The following ANO5 variants were observed in gnomAD, a reference collection of about 807,000 sequenced individuals.
The protein encoded by ANO5 is anoctamin-5.
Under a neutral mutation model 121.0 loss-of-function variants are expected in ANO5, and 109 were observed. That is an observed-to-expected ratio of 0.90 (90% CI 0.77 to 1.06). The LOEUF is 1.06. Among genes scored for constraint, ANO5 ranks in the 50% least tolerant of loss-of-function variants. The pLI is 0.00. For missense variants in ANO5, 1,064 were observed against 1,078.5 expected (o/e 0.99, Z 0.19); for synonymous variants, 406 against 359.9 (o/e 1.13, Z -1.45).
intron 2 of ANO5, among the ~76,000 whole-genome samples, chr11:22,209,440 T>C (rs1027480843): frequency 5.3e-5 from 8 of 152,022 alleles, no homozygotes; most frequent in African/African-American, 1.9e-4. Flanking sequence ...GTAATCAGTT[T>C]TACATATGTA....
intron 5 of ANO5, among the ~76,000 whole-genome samples, chr11:22,222,035 CAAACCTCTTT>C (rs923362842): frequency 6.6e-6 from 1 of 151,932 alleles, no homozygotes; most frequent in African/African-American, 2.4e-5. Context: ...ACATTCCCTT[CAAACCTCTTT>C]GAGGTTTTTT....
chr11:22,224,682 A>G (rs1056529029), intron 5 of ANO5, among the ~76,000 whole-genome samples: 37 of 152,226 alleles, frequency 2.4e-4, no homozygotes, highest in African/African-American at 7.9e-4. Flanking sequence ...TTCTTGTGTA[A>G]GACCAGGCAA....
In ANO5 at chr11:22,227,516, G is replaced by C; in HGVS notation, c.578G>C (p.Arg193Thr). The change falls in exon 7 of 22, where the codon AGA (arginine) becomes ACA (threonine). Residue 193 changes from arginine to threonine, a missense_variant. Transcript: ENST00000324559. ...GAATATTTTACTGCACAATTCAGCA[G>C]ACATCGGCAGGAGCTCTTCCTCATC... The part of the protein sequence containing the change: ...HPEYFTAQFS[R>T]HRQELFLIED... 6.2e-7 allele frequency: 1 copy of C among 1,613,580 alleles called. No homozygotes were observed. The highest frequency in any genetic ancestry group is 2.2e-5 in the East Asian group (1 of 44,840).
At position 22,270,381 on chromosome 11, in the gene ANO5, G is replaced by A; in HGVS notation, c.1968G>A (p.Glu656=). Residue 656 remains glutamate (E), a synonymous_variant, in exon 18 of 22, where the codon GAG becomes GAA. Transcript: ENST00000324559. ...CTGAGAAGCTGTATAGTCGATGGGA[G>A]CAGGATCATGACCTTGAAAGTTTTG... ...TNSEKLYSRW[E]QDHDLESFGP... 6.2e-7 allele frequency: 1 copy of A among 1,614,170 alleles called. No individual in the cohort carries two copies. The highest frequency in any genetic ancestry group is 1.7e-5 in the Admixed American group (1 of 60,026).
At chr11:22,274,137 T>G (rs1281103642) in intron 19 of ANO5, among the ~76,000 whole-genome samples, 6 of 151,172 alleles carry the variant, frequency 4.0e-5, no homozygotes. Flanking sequence ...ATATTCTGCT[T>G]CTTCATTCCT....
intron 5 of ANO5, among the ~76,000 whole-genome samples, chr11:22,225,557 G>A (rs1273433307): frequency 6.6e-6 from 1 of 152,100 alleles, no homozygotes; most frequent in Non-Finnish European, 1.5e-5. Context: ...GCTAAGTGAA[G>A]CCATTTTGTC....
intron 21 of ANO5, among the ~76,000 whole-genome samples, chr11:22,276,744 A>G (rs1854867407): frequency 6.6e-6 from 1 of 150,758 alleles, no homozygotes; most frequent in Non-Finnish European, 1.5e-5. Flanking sequence ...GCCTGCAAGA[A>G]AAGGTAAACA....
chr11:22,250,281 G>C lies in ANO5; in HGVS notation c.923G>C (p.Gly308Ala). 1.9e-6 allele frequency: 3 copies of C among 1,609,368 alleles called. No individual in the cohort carries two copies. The highest frequency in any genetic ancestry group is 2.6e-6 in the Non-Finnish European group (3 of 1,176,446). The change falls in exon 10 of 22, where the codon GGA becomes GCA. Residue 308 changes from glycine (G) to alanine (A), a missense_variant. Gly to Ala is a moderately conservative substitution (Grantham distance 60). Coordinates refer to ENST00000324559, the MANE Select transcript of ANO5 (RefSeq NM_213599.3). The stretch of plus-strand genomic sequence containing the variant: ...ATTGGTATCTATTTTGTCTTTCTTG[G>C]ATTTTACACAGAAATGCTATTCTTT... ...EKIGIYFVFL[G>A]FYTEMLFFAA...
chr11:22,215,930 C>T (rs961127832), intron 3 of ANO5, among the ~76,000 whole-genome samples: 4 of 151,726 alleles, frequency 2.6e-5, no homozygotes, highest in East Asian at 1.9e-4. Context: ...TGCTTTTGCT[C>T]GTCACAATGT....
Position 22,257,745 on chromosome 11 carries a change from G to A in ANO5, c.1398G>A (p.Val466=). The part of the protein sequence containing the change: ...IPWYFLSGAT[V]TLWMSLVVTS... ...GGTACTTTCTTTCAGGAGCCACAGT[G>A]ACATTATGGGTGAGCATTTCTTTAA... is the stretch of plus-strand genomic sequence containing the variant. Residue 466 remains valine (V), a synonymous_variant, in exon 14 of 22, where the codon GTG becomes GTA. Transcript: ENST00000324559. 1 of 1,610,346 alleles carries A rather than the reference G, an allele frequency of 6.2e-7. No homozygotes were observed. The highest frequency in any genetic ancestry group is 1.1e-5 in the South Asian group (1 of 90,976).
chr11:22,237,084 A>G (rs1170905557), intron 8 of ANO5, among the ~76,000 whole-genome samples: 1 of 152,146 alleles, frequency 6.6e-6, no homozygotes, highest in African/African-American at 2.4e-5. Flanking sequence ...CTGGGGCTGA[A>G]TGTGTACATA....
At chr11:22,198,981 C>T (rs1190636985) in intron 1 of ANO5, among the ~76,000 whole-genome samples, 1 of 152,100 alleles carries the variant, frequency 6.6e-6, no homozygotes, top group Non-Finnish European at 1.5e-5. Context: ...GATAATACTG[C>T]ATGATGTTTA....
chr11:22,225,867 C>A (rs1852809417), intron 5 of ANO5, 117 bp from the exon 6 acceptor site: 3 of 738,572 alleles, frequency 4.1e-6, no homozygotes, highest in East Asian at 5.4e-5. Context: ...TTATATACAA[C>A]CATGGGAGGG....
At chr11:22,270,932 G>T (rs1854588617) in intron 18 of ANO5, among the ~76,000 whole-genome samples, 1 of 152,154 alleles carries the variant, frequency 6.6e-6, no homozygotes, top group South Asian at 2.1e-4. Flanking sequence ...CCAAAACATT[G>T]CAAGGTTTGA....
rs775242183 is a variant in ANO5 at position 22,263,058 on chromosome 11, C to A, written c.1898+15C>A. 2 of 1,581,052 alleles carry A rather than the reference C, an allele frequency of 1.3e-6. No homozygotes were observed. Among genetic ancestry groups the A allele is most frequent in the South Asian group, 1.1e-5 (1 of 90,412 alleles). ...GCCATTTATCCGTATGTATGACTTA[C>A]AAGCTTTTTATTTGATTTAAGTAAC... On this transcript the variant is annotated intron_variant, in intron 17 of 21. Coordinates refer to ENST00000324559, the MANE Select transcript of ANO5 (RefSeq NM_213599.3).
chr11:22,274,914 G>T (rs1482535227), intron 20 of ANO5, among the ~76,000 whole-genome samples, 167 bp downstream of exon 20: 1 of 151,972 alleles, frequency 6.6e-6, no homozygotes, highest in African/African-American at 2.4e-5. Flanking sequence ...GCATGATTCA[G>T]ATTTGAAAAG....
At chr11:22,263,743 T>C (rs1202810881) in intron 17 of ANO5, among the ~76,000 whole-genome samples, 4 of 152,142 alleles carry the variant, frequency 2.6e-5, no homozygotes, top group African/African-American at 9.7e-5. Flanking sequence ...CAATACAAAG[T>C]GGAGTAAAAG....
intron 1 of ANO5, among the ~76,000 whole-genome samples, chr11:22,197,137 ATTTTGCC>A (rs970593696): frequency 4.6e-5 from 7 of 152,182 alleles, no homozygotes; most frequent in African/African-American, 7.2e-5. Context: ...ACAACATAAC[ATTTTGCC>A]TTTTAGACTT....
Position 22,282,834 on chromosome 11 carries a change from A to G in ANO5, c.*3069A>G, listed in dbSNP as rs1339649164. On this transcript the variant is annotated 3_prime_UTR_variant, in exon 22 of 22. Transcript: ENST00000324559. ...TACCAATCATTCAAAAAGGGAATCT[A>G]TTGTTTTGAAAGAAACTCTCTCATA... The G allele has an allele frequency of 6.6e-6, 1 of 152,180 alleles. No homozygotes were observed. The highest frequency in any genetic ancestry group is 1.5e-5 in the Non-Finnish European group (1 of 68,014). 9.4% of individuals were successfully genotyped at this position (152,180 alleles called of 1,614,324 possible).
Sources: gnomAD v4.1 joint callset for allele counts (sites outside exome capture counted in the v4.1 genomes callset) on GRCh38, gnomAD v4.1.1 for gene constraint, MANE v1.5 for transcripts, NCBI Gene and HGNC (gene_info 2026-07-23, HGNC 2026-07-21) for gene names.